Variants in SPTA1 observed in about 807,000 individuals in gnomAD.
SPTA1 encodes the protein spectrin alpha chain, erythrocytic 1.
In SPTA1, 177 loss-of-function variants were observed where a neutral mutation model predicts 324.7. The observed-to-expected ratio is 0.55, with a 90% CI of 0.48 to 0.62. The LOEUF (loss-of-function observed/expected upper bound fraction) is 0.62. SPTA1 is among the 20% of genes least tolerant of loss of function. The pLI is 0.00. For missense variants in SPTA1, 3,162 were observed against 2,883.6 expected (o/e 1.10, Z -2.21); for synonymous variants, 1,195 against 1,041.3 (o/e 1.15, Z -2.84).
At chr1:158,619,997 T>C (rs930552523) in intron 44 of SPTA1, among the ~76,000 whole-genome samples, 173 bp downstream of exon 44, 7 of 152,192 alleles carry the variant, frequency 4.6e-5, no homozygotes, top group African/African-American at 1.7e-4. Context: ...GGGCATAGGG[T>C]ATACCTATGA....
At chr1:158,674,767 G>T in intron 8 of SPTA1, 92 bp from the exon 9 acceptor site, 2 of 1,513,094 alleles carry the variant, frequency 1.3e-6, no homozygotes, top group Non-Finnish European at 1.8e-6. Context: ...GGTAAGATGT[G>T]TGAGATGCTC....
intron 47 of SPTA1, 62 bp downstream of exon 47, chr1:158,617,475 A>G: frequency 7.0e-7 from 1 of 1,438,046 alleles, no homozygotes; most frequent in Non-Finnish European, 9.8e-7. Context: ...CCCTTAGGTG[A>G]TTATTTTTAC....
At chr1:158,684,108 C>T (rs1240933217) in intron 2 of SPTA1, among the ~76,000 whole-genome samples, 1 of 149,740 alleles carries the variant, frequency 6.7e-6, no homozygotes, top group Non-Finnish European at 1.5e-5. Flanking sequence ...AAAAAAAAAA[C>T]TCTGGTTAAC....
At position 158,657,597 on chromosome 1, in the gene SPTA1, A is replaced by G; in HGVS notation, c.2685T>C (p.Leu895=). ...ACTGCTGGAACTGGACATTGGCTTCAAGATCATTTTGTCGCCTAGCAGCTC... is the reference window on the plus strand; with the variant it reads ...ACTGCTGGAACTGGACATTGGCTTCGAGATCATTTTGTCGCCTAGCAGCTC... ...RARAARRQND[L]EANVQFQQYL... Residue 895 remains leucine (L), a synonymous_variant, in exon 19 of 52, where the codon CTT becomes CTC. Transcript: ENST00000643759. 6.2e-7 allele frequency: 1 copy of G among 1,614,080 alleles called. No individual in the cohort carries two copies. The highest frequency in any genetic ancestry group is 8.5e-7 in the Non-Finnish European group (1 of 1,179,988).
intron 20 of SPTA1, among the ~76,000 whole-genome samples, chr1:158,656,268 C>T (rs60240422): frequency 0.099 from 15,085 of 151,670 alleles, 2,483 homozygotes; most frequent in African/African-American, 0.34. Flanking sequence ...GAAGGAGAGA[C>T]ATAAATGAAG....
chr1:158,636,736 G>A lies in SPTA1; in HGVS notation c.5215C>T (p.Gln1739Ter). 6.2e-7 allele frequency: 1 copy of A among 1,614,074 alleles called. No individual in the cohort carries two copies. The change falls in exon 37 of 52, where the codon CAG (glutamine) becomes TAG (stop). Residue 1739 changes from glutamine (Q) to a stop codon, truncating the protein, a stop_gained. Coordinates refer to ENST00000643759, the MANE Select transcript of SPTA1 (RefSeq NM_003126.4). LOFTEE classifies it high-confidence loss of function. ...CCCTGAAGATCTCTCCCATAGTCCT[G>A]GGAGCTCACTCGTATCAACTTCTCC... The part of the protein sequence containing the change: ...IEEKLIRVSS[Q>*]DYGRDLQGVQ...
intron 39 of SPTA1, among the ~76,000 whole-genome samples, chr1:158,632,589 C>T (rs1650759202): frequency 6.6e-6 from 1 of 152,094 alleles, no homozygotes; most frequent in Non-Finnish European, 1.5e-5. Flanking sequence ...AGGAAATGCA[C>T]ATATGAGCTA....
At position 158,683,462 on chromosome 1, in the gene SPTA1, T is replaced by C; in HGVS notation, c.299A>G (p.Glu100Gly). The C allele has an allele frequency of 6.2e-7, 1 of 1,613,288 alleles. No homozygotes were observed. Among genetic ancestry groups the C allele is most frequent in the Non-Finnish European group, 8.5e-7 (1 of 1,179,448 alleles). ...KYQKHQSLEA[E>G]VQTKSRLMSE... is the part of the protein sequence containing the mutation. ...CATGAGTCTTGATTTTGTTTGCACCTCTGCTTCAAGGGATTGATGCTTCTG... is the reference window on the plus strand; with the variant it reads ...CATGAGTCTTGATTTTGTTTGCACCCCTGCTTCAAGGGATTGATGCTTCTG... Residue 100 changes from glutamate to glycine, a missense_variant, in exon 3 of 52, where the codon GAG (glutamate) becomes GGG (glycine). Glu to Gly is a moderately conservative substitution (Grantham distance 98). Transcript: ENST00000643759.
intron 42 of SPTA1, 66 bp downstream of exon 42, chr1:158,626,080 T>C: frequency 7.0e-7 from 1 of 1,430,502 alleles, no homozygotes; most frequent in Non-Finnish European, 9.9e-7. Context: ...CAGAAATAAA[T>C]AATCATGGAG....
chr1:158,642,462 C>G lies in SPTA1; in HGVS notation c.4686G>C (p.Gly1562=). ...AAGCGCTACACTCAATCAGGGAGTT[C>G]CCCAGGTTGATGACGCCATGCACCT... is the stretch of plus-strand genomic sequence containing the variant. ...SEQVHGVINL[G]NSLIECSACD... The change falls in exon 33 of 52, where the codon GGG becomes GGC. Residue 1562 remains glycine, a synonymous_variant. Coordinates refer to ENST00000643759, the MANE Select transcript of SPTA1 (RefSeq NM_003126.4). 1 of 1,613,642 alleles carries G rather than the reference C, an allele frequency of 6.2e-7. No homozygotes were observed. Among genetic ancestry groups the G allele is most frequent in the Non-Finnish European group, 8.5e-7 (1 of 1,179,684 alleles).
At chr1:158,669,823 C>T in intron 12 of SPTA1, 37 bp from the exon 13 acceptor site, 3 of 1,602,300 alleles carry the variant, frequency 1.9e-6, no homozygotes, top group South Asian at 2.2e-5. Flanking sequence ...GCTTTTCCTT[C>T]AGTGACCACT....
chr1:158,674,711 A>G (rs754956563), intron 8 of SPTA1, 36 bp from the exon 9 acceptor site: 1 of 1,611,220 alleles, frequency 6.2e-7, no homozygotes, highest in Non-Finnish European at 8.5e-7. Flanking sequence ...AGGAAGGAGA[A>G]ACCAGATATG....
chr1:158,680,863 T>A, intron 4 of SPTA1, 134 bp from the exon 5 acceptor site: 1 of 1,184,080 alleles, frequency 8.4e-7, no homozygotes, highest in Non-Finnish European at 1.2e-6. Flanking sequence ...GAAGCTCTCC[T>A]GGAAAAGGCC....
Position 158,643,433 on chromosome 1 carries a change from A to C in SPTA1, c.4339-8T>G. On this transcript the variant is annotated splice_polypyrimidine_tract_variant and splice_region_variant and intron_variant, in intron 30 of 51. Transcript: ENST00000643759. ...GTCAGTGATCTTCCCTTCCTAAATA[A>C]AGGAAAAGGAAAGAGCCCAGATGCT... The C allele has an allele frequency of 6.2e-7, 1 of 1,612,444 alleles. No homozygotes were observed. The highest frequency in any genetic ancestry group is 8.5e-7 in the Non-Finnish European group (1 of 1,179,312).
At chr1:158,644,188 T>C (rs868865052) in intron 30 of SPTA1, 65 bp downstream of exon 30, 4 of 1,586,430 alleles carry the variant, frequency 2.5e-6, no homozygotes, top group Middle Eastern at 1.7e-4. Context: ...ACCAGACAAA[T>C]GTGTAGGATT....
chr1:158,643,458 T>C lies in SPTA1; in HGVS notation c.4339-33A>G, dbSNP rs371803088. On this transcript the variant is annotated intron_variant, in intron 30 of 51. Coordinates refer to ENST00000643759, the MANE Select transcript of SPTA1 (RefSeq NM_003126.4). ...AAGGAAAAGGAAAGAGCCCAGATGCTTGGAGATTAGGCTCTTGGTGCAATC... is the reference window on the plus strand; with the variant it reads ...AAGGAAAAGGAAAGAGCCCAGATGCCTGGAGATTAGGCTCTTGGTGCAATC... The C allele has an allele frequency of 1.7e-4, 272 of 1,600,020 alleles. No homozygotes were observed. The African/African-American group carries it at 3.1e-3, about 18-fold the overall frequency.
intron 13 of SPTA1, 52 bp downstream of exon 13, chr1:158,669,657 C>A (rs374163946): frequency 2.7e-4 from 429 of 1,613,858 alleles, no homozygotes; most frequent in Non-Finnish European, 3.4e-4. Context: ...CACCAAAACT[C>A]TTCTTGATTC....
intron 3 of SPTA1, 137 bp downstream of exon 3, chr1:158,683,234 C>T: frequency 7.9e-7 from 1 of 1,267,344 alleles, no homozygotes; most frequent in East Asian, 2.4e-5. Flanking sequence ...TTTTTTATGC[C>T]TCAACCCCAG....
chr1:158,674,231 C>T (rs1320119135), intron 10 of SPTA1, 98 bp downstream of exon 10: 4 of 1,231,128 alleles, frequency 3.2e-6, no homozygotes, highest in Non-Finnish European at 3.6e-6. Flanking sequence ...TAAATGACTT[C>T]TATTCTTTTC....
Sources: gnomAD v4.1 joint callset for allele counts (sites outside exome capture counted in the v4.1 genomes callset) on GRCh38, gnomAD v4.1.1 for gene constraint, MANE v1.5 for transcripts, NCBI Gene and HGNC (gene_info 2026-07-23, HGNC 2026-07-21) for gene names.